XKR3: variants seen among roughly 807,000 people sequenced by gnomAD.
XKR3 encodes XK-related protein 3.
In XKR3, 27 loss-of-function variants were observed where a neutral mutation model predicts 40.3. The ratio of observed to expected loss-of-function variants is 0.67; its 90% CI spans 0.49 to 0.92. The LOEUF is 0.92. Among genes scored for constraint, XKR3 ranks in the 40% least tolerant of loss-of-function variants. The pLI, the probability that XKR3 is intolerant of heterozygous loss-of-function variation, is 0.00. For synonymous variants in XKR3, 193 were observed against 195.4 expected, an observed-to-expected ratio of 0.99 and a Z score of 0.10; for missense variants, 472 against 537.6, an observed-to-expected ratio of 0.88 and a Z score of 1.21.
At chr22:16,798,699 G>A (rs538512599) in intron 3 of XKR3, among the ~76,000 whole-genome samples, 3 of 152,246 alleles carry the variant, frequency 2.0e-5, no homozygotes, top group African/African-American at 7.2e-5. Context: ...AAATCATGTC[G>A]TTTGCATCAA....
At chr22:16,802,951 T>C (rs2060175213) in intron 2 of XKR3, among the ~76,000 whole-genome samples, 1 of 152,218 alleles carries the variant, frequency 6.6e-6, no homozygotes, top group South Asian at 2.1e-4. Flanking sequence ...AGTTAAAAAG[T>C]TGGCCATGAA....
At chr22:16,809,396 A>T (rs1002786681) in intron 1 of XKR3, among the ~76,000 whole-genome samples, 17 of 152,148 alleles carry the variant, frequency 1.1e-4, no homozygotes, top group Non-Finnish European at 1.9e-4. Flanking sequence ...CACGTGTATT[A>T]AAAAAACCAT....
chr22:16,812,068 T>C (rs1255033479), intron 1 of XKR3, among the ~76,000 whole-genome samples: 1 of 152,068 alleles, frequency 6.6e-6, no homozygotes, highest in Non-Finnish European at 1.5e-5. Context: ...GTTTAATATT[T>C]AGGGGCATAT....
intron 1 of XKR3, among the ~76,000 whole-genome samples, chr22:16,810,629 T>C (rs190681083): frequency 2.8e-4 from 42 of 152,220 alleles, no homozygotes; most frequent in African/African-American, 8.9e-4. Flanking sequence ...ATTTTTAGGG[T>C]ATTCCCAAAG....
intron 2 of XKR3, among the ~76,000 whole-genome samples, chr22:16,801,589 C>T (rs977211664): frequency 5.3e-5 from 8 of 151,648 alleles, no homozygotes; most frequent in Non-Finnish European, 2.9e-5. Flanking sequence ...TAACGCAATG[C>T]GGGCAAATAG....
At position 16,811,004 on chromosome 22, in the gene XKR3, AAAATGTAAGTT is replaced by A. The variant is rs2060210082; in HGVS notation, c.-10-2932_-10-2922del. Among the ~76,000 whole-genome samples the A allele has an allele frequency of 4.6e-5, 7 of 152,350 alleles. 1 individual carries two copies. The South Asian group carries it at 1.2e-3, about 27-fold the overall frequency. On this transcript the variant is annotated intron_variant, in intron 1 of 3. Transcript: ENST00000684488. ...GTTGTCACTGCTTCCTACTAAAGCC[AAAATGTAAGTT>A]CTATCAGTACATGGATATTTGTCTT... is the stretch of plus-strand genomic sequence containing the variant.
chr22:16,815,567 C>G (rs1368408379), intron 1 of XKR3, among the ~76,000 whole-genome samples: 2 of 151,770 alleles, frequency 1.3e-5, no homozygotes, highest in East Asian at 3.9e-4. Flanking sequence ...CATTTTTGAA[C>G]CAAGTAAATC....
chr22:16,814,992 T>C (rs1271793128), intron 1 of XKR3, among the ~76,000 whole-genome samples: 1 of 151,844 alleles, frequency 6.6e-6, no homozygotes, highest in Non-Finnish European at 1.5e-5. Flanking sequence ...CCCAGTAAAA[T>C]GTCAAAGAGA....
intron 1 of XKR3, among the ~76,000 whole-genome samples, chr22:16,814,793 A>G (rs749318891): frequency 6.6e-6 from 1 of 151,956 alleles, no homozygotes; most frequent in Non-Finnish European, 1.5e-5. Context: ...TATATAATTG[A>G]CTTTTGTATA....
At chr22:16,786,292 A>C (rs2060090952) in intron 3 of XKR3, among the ~76,000 whole-genome samples, 1 of 152,198 alleles carries the variant, frequency 6.6e-6, no homozygotes, top group Middle Eastern at 3.4e-3. Context: ...AAATTTAGCC[A>C]GGCATGGTGG....
intron 1 of XKR3, among the ~76,000 whole-genome samples, chr22:16,812,275 A>G (rs974352458): frequency 2.0e-5 from 3 of 152,156 alleles, no homozygotes; most frequent in Non-Finnish European, 2.9e-5. Context: ...TGTGTGTTTA[A>G]CCCGCATATA....
intron 3 of XKR3, among the ~76,000 whole-genome samples, chr22:16,786,256 G>GCGCACACACACACA (rs1555895915): frequency 9.0e-4 from 134 of 148,708 alleles, no homozygotes; most frequent in South Asian, 2.8e-3. Context: ...CAAAACGCGT[G>GCGCACACACACACA]CACACACACA....
intron 3 of XKR3, among the ~76,000 whole-genome samples, chr22:16,799,185 AG>A (rs1308445808): frequency 2.0e-5 from 3 of 151,818 alleles, no homozygotes; most frequent in Admixed American, 6.6e-5. Flanking sequence ...AGGCCAAGGC[AG>A]GTGGATCACG....
intron 2 of XKR3, among the ~76,000 whole-genome samples, chr22:16,801,708 C>G (rs1264715535): frequency 6.9e-6 from 1 of 144,550 alleles, no homozygotes. Context: ...AAGCAAACAA[C>G]AGAAAAGGCA....
chr22:16,800,585 T>C (rs867835184), intron 2 of XKR3, among the ~76,000 whole-genome samples: 3 of 152,060 alleles, frequency 2.0e-5, no homozygotes, highest in Admixed American at 1.3e-4. Context: ...AAGACAGCAG[T>C]CTAAAAAAAC....
At position 16,788,093 on chromosome 22, in the gene XKR3, A is replaced by G. The variant is rs185490525; in HGVS notation, c.590-3684T>C. Reference sequence around the variant, plus strand: ...TATATCATACATTAGGCCAAAAAACACATCTTGATGAATTCGAAGAGATCA... The same window carrying G: ...TATATCATACATTAGGCCAAAAAACGCATCTTGATGAATTCGAAGAGATCA... On this transcript the variant is annotated intron_variant, in intron 3 of 3. Transcript: ENST00000684488. 7.8e-3 allele frequency among the ~76,000 whole-genome samples: 1,191 copies of G among 152,300 alleles called. 42 individuals are homozygous for G. The highest frequency in any genetic ancestry group is 0.064 in the Admixed American group (977 of 15,298).
At position 16,784,414 on chromosome 22, in the gene XKR3, T is replaced by G. The variant is rs779659998; in HGVS notation, c.590-5A>C. On this transcript the variant is annotated splice_polypyrimidine_tract_variant and splice_region_variant and intron_variant, in intron 3 of 3. Transcript: ENST00000684488. Reference sequence around the variant, plus strand: ...GGGAAAATGTCATCAGCAATGCTATTAAAGACAAACATGAAAATGTTAGAG... The same window carrying G: ...GGGAAAATGTCATCAGCAATGCTATGAAAGACAAACATGAAAATGTTAGAG... 4 of 1,571,016 alleles carry G rather than the reference T, an allele frequency of 2.5e-6. No individual in the cohort carries two copies. Among genetic ancestry groups the G allele is most frequent in the Non-Finnish European group, 3.4e-6 (4 of 1,162,282 alleles).
At chr22:16,786,119 A>C (rs1252376720) in intron 3 of XKR3, among the ~76,000 whole-genome samples, 4 of 152,114 alleles carry the variant, frequency 2.6e-5, no homozygotes, top group Admixed American at 2.6e-4. Flanking sequence ...AAATGTTCGA[A>C]AGTAAAATTT....
intron 1 of XKR3, among the ~76,000 whole-genome samples, chr22:16,811,700 T>C (rs1184772614): frequency 6.6e-6 from 1 of 152,088 alleles, no homozygotes; most frequent in Non-Finnish European, 1.5e-5. Context: ...TGAACTTCAC[T>C]TTCTTATTAA....
Sources: gnomAD v4.1 joint callset for allele counts (sites outside exome capture counted in the v4.1 genomes callset) on GRCh38, gnomAD v4.1.1 for gene constraint, MANE v1.5 for transcripts, NCBI Gene and HGNC (gene_info 2026-07-23, HGNC 2026-07-21) for gene names.